The following CCDC73 variants were observed in gnomAD, a reference collection of about 807,000 sequenced individuals.
CCDC73 encodes the protein coiled-coil domain containing 73.
Under a neutral mutation model 116.5 loss-of-function variants are expected in CCDC73, and 95 were observed. The ratio of observed to expected loss-of-function variants is 0.82; its 90% CI spans 0.69 to 0.97. The LOEUF (loss-of-function observed/expected upper bound fraction) is 0.97, where lower values mean the gene tolerates loss of function less well. Ranked by LOEUF, CCDC73 falls within the 50% of genes least tolerant of loss-of-function variation. The pLI is 0.00. For missense variants in CCDC73, 1,066 were observed against 1,206.8 expected (o/e 0.88, Z 1.73); for synonymous variants, 398 against 401.3 (o/e 0.99, Z 0.10).
intron 16 of CCDC73, among the ~76,000 whole-genome samples, chr11:32,612,989 T>G (rs538401308): frequency 1.5e-4 from 23 of 152,316 alleles, no homozygotes; most frequent in African/African-American, 5.5e-4. Flanking sequence ...TAAAGTGTTT[T>G]CAACTGACAA....
chr11:32,614,098 G>C lies in CCDC73; in HGVS notation c.2220C>G (p.Asn740Lys), dbSNP rs1421423538. 5.0e-6 allele frequency: 8 copies of C among 1,613,502 alleles called. No individual in the cohort carries two copies. The highest frequency in any genetic ancestry group is 5.1e-6 in the Non-Finnish European group (6 of 1,179,880). ...ACATAGTTTTTCCCCCAGGGCTTGAGTTAGGTTTCACCAACATAGACATAC... is the reference window on the plus strand; with the variant it reads ...ACATAGTTTTTCCCCCAGGGCTTGACTTAGGTTTCACCAACATAGACATAC... Reference protein sequence around the residue: ...VHSMSMLVKPNSSPGGKTMCK... With the variant: ...VHSMSMLVKPKSSPGGKTMCK... Residue 740 changes from asparagine (N) to lysine (K), a missense_variant, in exon 16 of 18, where the codon AAC becomes AAG. Coordinates refer to ENST00000335185, the MANE Select transcript of CCDC73 (RefSeq NM_001008391.4).
At chr11:32,781,219 C>T (rs568077713) in intron 1 of CCDC73, among the ~76,000 whole-genome samples, 8 of 152,310 alleles carry the variant, frequency 5.3e-5, no homozygotes, top group Non-Finnish European at 7.4e-5. Flanking sequence ...AAAAACAGGA[C>T]TCAGAGTCTT....
rs775871926 is a variant in CCDC73, at chr11:32,702,892, A to G, written c.260T>C (p.Met87Thr). The G allele has an allele frequency of 4.3e-6, 7 of 1,612,508 alleles. No homozygotes were observed. The South Asian group carries it at 7.7e-5, about 18-fold the overall frequency. The change falls in exon 4 of 18, where the codon ATG becomes ACG. Residue 87 changes from methionine (M) to threonine (T), a missense_variant. By Grantham distance (81) the Met-to-Thr change is moderately conservative (BLOSUM62 -1). Coordinates refer to ENST00000335185, the MANE Select transcript of CCDC73 (RefSeq NM_001008391.4). The stretch of plus-strand genomic sequence containing the variant: ...AATTACCTGCTTTTTAAAAACTGCC[A>G]TTGCTTCCTTGTGTTGCTCTGCCAA... ...ETLAEQHKEA[M>T]AVFKKQLQMK...
At chr11:32,668,817 G>A (rs571750366) in intron 9 of CCDC73, among the ~76,000 whole-genome samples, 2 of 152,192 alleles carry the variant, frequency 1.3e-5, no homozygotes, top group African/African-American at 2.4e-5. Context: ...GTTAGTAGAC[G>A]GTGAGTGGTA....
intron 1 of CCDC73, among the ~76,000 whole-genome samples, chr11:32,764,158 G>T (rs1850419256): frequency 6.6e-6 from 1 of 152,206 alleles, no homozygotes; most frequent in Admixed American, 6.5e-5. Context: ...GAAAGTGACA[G>T]GGAGAATGGA....
At chr11:32,687,863 G>C (rs1211130232) in intron 6 of CCDC73, among the ~76,000 whole-genome samples, 4 of 151,908 alleles carry the variant, frequency 2.6e-5, no homozygotes, top group African/African-American at 9.7e-5. Context: ...GGTGATCCTG[G>C]TACATTTTAT....
intron 9 of CCDC73, among the ~76,000 whole-genome samples, chr11:32,662,956 A>G (rs1855944681): frequency 6.6e-6 from 1 of 152,132 alleles, no homozygotes; most frequent in African/African-American, 2.4e-5. Context: ...TCCTTTCCCC[A>G]TTTCTTGTTT....
chr11:32,759,644 A>T (rs189889687), intron 2 of CCDC73, among the ~76,000 whole-genome samples: 1 of 152,328 alleles, frequency 6.6e-6, no homozygotes, highest in Admixed American at 6.5e-5. Context: ...ATCACTTTTT[A>T]AAATAAAGAT....
At chr11:32,817,065 G>A in the CCDC73 span, among the ~76,000 whole-genome samples, 13 of 152,296 alleles carry the variant, frequency 8.5e-5, no homozygotes, top group South Asian at 6.2e-4. Flanking sequence ...GATTACAGGC[G>A]TGAGCCACCA....
chr11:32,686,919 C>T (rs1202370644), intron 6 of CCDC73, among the ~76,000 whole-genome samples: 1 of 152,104 alleles, frequency 6.6e-6, no homozygotes, highest in African/African-American at 2.4e-5. Context: ...CAGAACAAAA[C>T]TATACTGATG....
chr11:32,777,926 AT>A (rs1850551595), intron 1 of CCDC73, among the ~76,000 whole-genome samples: 1 of 152,150 alleles, frequency 6.6e-6, no homozygotes, highest in Non-Finnish European at 1.5e-5. Context: ...TTTAAAGTGC[AT>A]TTGTTATGTG....
intron 2 of CCDC73, among the ~76,000 whole-genome samples, chr11:32,737,516 G>A (rs1292739985): frequency 6.6e-6 from 1 of 151,902 alleles, no homozygotes; most frequent in African/African-American, 2.4e-5. Context: ...TATTCAGGAG[G>A]CTGAGGCACG....
chr11:32,786,135 T>C (rs965656252), intron 1 of CCDC73, among the ~76,000 whole-genome samples: 5 of 151,878 alleles, frequency 3.3e-5, no homozygotes, highest in South Asian at 2.1e-4. Context: ...ATTACAGAAA[T>C]ATCTAAAAAT....
At chr11:32,681,466 G>C (rs528377482) in intron 7 of CCDC73, 1 of 151,978 alleles carries the variant, frequency 6.6e-6, no homozygotes, top group African/African-American at 2.4e-5. Context: ...AAAATCGTTT[G>C]ATTTGTGATT....
chr11:32,637,072 T>G (rs1454329910), intron 13 of CCDC73, among the ~76,000 whole-genome samples: 2 of 134,944 alleles, frequency 1.5e-5, no homozygotes, highest in Non-Finnish European at 3.0e-5. Flanking sequence ...CAGGCTGGAG[T>G]GCAGTGGCGT....
chr11:32,626,687 T>A (rs1855577307), intron 14 of CCDC73, among the ~76,000 whole-genome samples: 4 of 152,122 alleles, frequency 2.6e-5, no homozygotes, highest in Admixed American at 2.6e-4. Flanking sequence ...TCTACAACTA[T>A]CTGATCTTTG....
chr11:32,770,532 A>G (rs1258401772), intron 1 of CCDC73, among the ~76,000 whole-genome samples: 2 of 152,168 alleles, frequency 1.3e-5, no homozygotes, highest in African/African-American at 4.8e-5. Context: ...CAAAACAAGG[A>G]TGCTATGAAA....
rs543854371 is a variant in CCDC73, at chr11:32,767,542, G to A, written c.-15-7284C>T. 7.1e-3 allele frequency among the ~76,000 whole-genome samples: 1,084 copies of A among 152,218 alleles called. 11 individuals carry two copies. Among genetic ancestry groups the A allele is most frequent in the African/African-American group, 0.024 (1,006 of 41,536 alleles). ...CATCAGAGTGAACAGGCAACCTACA[G>A]AATGGGAGAAAATTTTTGCAATCTA... On this transcript the variant is annotated intron_variant, in intron 1 of 17. Coordinates refer to ENST00000335185, the MANE Select transcript of CCDC73 (RefSeq NM_001008391.4).
intron 12 of CCDC73, among the ~76,000 whole-genome samples, chr11:32,646,617 A>G: frequency 6.6e-6 from 1 of 152,162 alleles, no homozygotes; most frequent in East Asian, 1.9e-4. Flanking sequence ...TAATCCCTGT[A>G]TATTACCTAC....
Sources: gnomAD v4.1 joint callset for allele counts (sites outside exome capture counted in the v4.1 genomes callset) on GRCh38, gnomAD v4.1.1 for gene constraint, MANE v1.5 for transcripts, NCBI Gene and HGNC (gene_info 2026-07-23, HGNC 2026-07-21) for gene names.